ACTR3C: variants seen among roughly 807,000 people sequenced by gnomAD.
The protein encoded by ACTR3C is actin-related protein 3C.
ACTR3C carries 18 observed loss-of-function variants against 26.3 expected under a neutral mutation model. The ratio of observed to expected loss-of-function variants is 0.68; its 90% CI spans 0.47 to 1.01. ACTR3C has a LOEUF of 1.01. Ranked by LOEUF, ACTR3C falls within the 50% of genes least tolerant of loss-of-function variation. The pLI is 0.00. For missense variants in ACTR3C, 184 were observed against 250.7 expected, an observed-to-expected ratio of 0.73 and a Z score of 1.80; for synonymous variants, 55 against 94.5, an observed-to-expected ratio of 0.58 and a Z score of 2.42.
the ACTR3C span, among the ~76,000 whole-genome samples, chr7:149,960,963 G>A: frequency 2.0e-5 from 3 of 152,006 alleles, no homozygotes; most frequent in African/African-American, 7.2e-5. Flanking sequence ...GGGCTCACAG[G>A]AAGTGTATAC....
At chr7:150,280,818 G>GTGTA (rs1311848604) in intron 6 of ACTR3C, among the ~76,000 whole-genome samples, 6 of 141,050 alleles carry the variant, frequency 4.3e-5, no homozygotes, top group South Asian at 2.3e-4. Context: ...GTGTGTGTGT[G>GTGTA]TATATATATA....
the ACTR3C span, among the ~76,000 whole-genome samples, chr7:150,163,581 T>C: frequency 6.6e-6 from 1 of 151,974 alleles, no homozygotes; most frequent in East Asian, 1.9e-4. Flanking sequence ...AGATTTATTA[T>C]GAGGAATAAT....
At chr7:150,180,638 G>A in the ACTR3C span, among the ~76,000 whole-genome samples, 8 of 147,514 alleles carry the variant, frequency 5.4e-5, no homozygotes, top group East Asian at 1.0e-3. Flanking sequence ...TCAGCCTCCC[G>A]AGTAGCTGGG....
At chr7:150,323,346 G>A (rs1312951827) in intron 1 of ACTR3C, 123 bp downstream of exon 1, 1 of 275,050 alleles carries the variant, frequency 3.6e-6, no homozygotes, top group Admixed American at 5.9e-5. Context: ...CCCCCTGGGC[G>A]CGTTCCGGGA....
intron 1 of ACTR3C, among the ~76,000 whole-genome samples, chr7:150,309,914 C>G (rs1796153157): frequency 6.6e-6 from 1 of 152,106 alleles, no homozygotes; most frequent in African/African-American, 2.4e-5. Context: ...AGTCCGTCCC[C>G]TTTTTAATTG....
the ACTR3C span, among the ~76,000 whole-genome samples, chr7:149,999,039 C>G: frequency 2.7e-5 from 4 of 150,444 alleles, no homozygotes; most frequent in African/African-American, 4.9e-5. Context: ...CACAAGCCCC[C>G]AGGTGACAGC....
At chr7:149,988,633 G>C in the ACTR3C span, among the ~76,000 whole-genome samples, 1 of 152,192 alleles carries the variant, frequency 6.6e-6, no homozygotes, top group Non-Finnish European at 1.5e-5. Context: ...GCCTGCCAGA[G>C]GTGGGATACT....
At position 150,288,155 on chromosome 7, in the gene ACTR3C, G is replaced by A. The variant is rs1002396701; in HGVS notation, c.297+1295C>T. On this transcript the variant is annotated intron_variant, in intron 4 of 7. Transcript: ENST00000683684. The stretch of plus-strand genomic sequence containing the variant: ...AGAGCAGGGCCAGGGCAGCTGATTC[G>A]GAGGCTACGAACAGTCTCTTTTACT... Among the ~76,000 whole-genome samples the A allele has an allele frequency of 1.2e-4, 17 of 141,648 alleles. 2 individuals are homozygous for A. Among genetic ancestry groups the A allele is most frequent in the African/African-American group, 3.7e-4 (13 of 35,124 alleles). 92.9% of individuals were successfully genotyped at this position (141,648 alleles called of 152,430 possible). A position where few individuals can be genotyped will look rare whatever the true frequency, so the allele number is the denominator to read the frequency against.
At chr7:150,266,207 G>A (rs1045015150) in intron 6 of ACTR3C, among the ~76,000 whole-genome samples, 1 of 145,948 alleles carries the variant, frequency 6.9e-6, no homozygotes, top group Non-Finnish European at 1.5e-5. Flanking sequence ...ACATGATCTT[G>A]AATTTCCTTC....
intron 1 of ACTR3C, among the ~76,000 whole-genome samples, chr7:150,311,446 A>C (rs997453098): frequency 2.6e-5 from 4 of 152,096 alleles, no homozygotes; most frequent in Admixed American, 2.6e-4. Context: ...TACAGTTCTC[A>C]CAACCTTCAA....
At chr7:150,098,121 A>G in the ACTR3C span, among the ~76,000 whole-genome samples, 2 of 151,440 alleles carry the variant, frequency 1.3e-5, no homozygotes, top group Admixed American at 1.3e-4. Flanking sequence ...AAGCCACCAA[A>G]TGACTACAGG....
the ACTR3C span, among the ~76,000 whole-genome samples, chr7:149,959,028 C>T: frequency 8.3e-4 from 127 of 152,328 alleles, no homozygotes; most frequent in Admixed American, 1.6e-3. Context: ...TTTTGCATCC[C>T]TGCATACCAC....
chr7:149,920,980 G>C, the ACTR3C span, among the ~76,000 whole-genome samples: 9 of 151,432 alleles, frequency 5.9e-5, no homozygotes, highest in Non-Finnish European at 1.2e-4. Context: ...TGGTCAGCTG[G>C]TCTGACCCCA....
the ACTR3C span, among the ~76,000 whole-genome samples, chr7:149,950,011 G>A: frequency 9.5e-5 from 14 of 146,976 alleles, no homozygotes; most frequent in East Asian, 2.0e-4. Flanking sequence ...GTGCACCCAC[G>A]GGAGCAGGGA....
chr7:150,082,930 T>A, the ACTR3C span, among the ~76,000 whole-genome samples: 1 of 135,134 alleles, frequency 7.4e-6, no homozygotes, highest in Non-Finnish European at 1.5e-5. Context: ...TCTTTCTTTT[T>A]TTTCTTTTTT....
the ACTR3C span, among the ~76,000 whole-genome samples, chr7:150,016,764 T>C: frequency 6.6e-6 from 1 of 152,076 alleles, no homozygotes; most frequent in African/African-American, 2.4e-5. Flanking sequence ...GAAAAGCATA[T>C]GTGCTTCAGC....
chr7:150,309,805 C>T (rs1796139590), intron 1 of ACTR3C, among the ~76,000 whole-genome samples: 1 of 152,172 alleles, frequency 6.6e-6, no homozygotes, highest in Non-Finnish European at 1.5e-5. Flanking sequence ...TCTCAGATCT[C>T]GGCTTTGCGG....
At chr7:150,230,487 T>C in the ACTR3C span, among the ~76,000 whole-genome samples, 1 of 151,772 alleles carries the variant, frequency 6.6e-6, no homozygotes, top group Non-Finnish European at 1.5e-5. Context: ...CAGCAGGAGG[T>C]GAGTAGTGGG....
chr7:149,898,427 C>T, the ACTR3C span, among the ~76,000 whole-genome samples: 3 of 152,140 alleles, frequency 2.0e-5, no homozygotes, highest in Non-Finnish European at 2.9e-5. Flanking sequence ...TAAAGATAGC[C>T]GGGCGCAGTG....
Sources: gnomAD v4.1 joint callset for allele counts (sites outside exome capture counted in the v4.1 genomes callset) on GRCh38, gnomAD v4.1.1 for gene constraint, MANE v1.5 for transcripts, NCBI Gene and HGNC (gene_info 2026-07-23, HGNC 2026-07-21) for gene names.